The following MON2 variants were observed in gnomAD, a reference collection of about 807,000 sequenced individuals.
The protein encoded by MON2 is protein MON2 homolog.
Under a neutral mutation model 208.6 loss-of-function variants are expected in MON2, and 84 were observed. The ratio of observed to expected loss-of-function variants is 0.40; its 90% CI spans 0.34 to 0.48. The LOEUF (loss-of-function observed/expected upper bound fraction) is 0.48, where lower values mean the gene tolerates loss of function less well. MON2 is among the 20% of genes least tolerant of loss of function. The pLI, the probability that MON2 is intolerant of heterozygous loss-of-function variation, is 0.59. For synonymous variants in MON2, 660 were observed against 694.0 expected, an observed-to-expected ratio of 0.95 and a Z score of 0.77; for missense variants, 1,611 against 2,015.4, an observed-to-expected ratio of 0.80 and a Z score of 3.84.
intron 15 of MON2, 34 bp from the exon 16 acceptor site, chr12:62,537,568 C>A (rs751105650): frequency 1.4e-6 from 2 of 1,452,744 alleles, no homozygotes; most frequent in Non-Finnish European, 9.5e-7. Context: ...GAATACATAA[C>A]AATTATTGAA....
At position 62,592,713 on chromosome 12, in the gene MON2, G is replaced by A; in HGVS notation, c.5118G>A (p.Gln1706=). Residue 1706 remains glutamine, a synonymous_variant, in exon 35 of 35, where the codon CAG becomes CAA. Transcript: ENST00000393630. The part of the protein sequence containing the change: ...EALVPFKDFM[Q]PPASRVQNGE... ...TAGTTCCTTTTAAGGATTTCATGCA[G>A]CCACCAGCATCCAGAGTTCAAAATG... 8.1e-6 allele frequency: 13 copies of A among 1,602,708 alleles called. No individual in the cohort carries two copies. The highest frequency in any genetic ancestry group is 1.0e-5 in the Non-Finnish European group (12 of 1,171,582).
intron 7 of MON2, among the ~76,000 whole-genome samples, chr12:62,507,675 T>C (rs1320945798): frequency 1.3e-5 from 2 of 152,108 alleles, no homozygotes; most frequent in African/African-American, 2.4e-5. Context: ...AAAATTGAAG[T>C]TTCTGTTAAT....
intron 25 of MON2, among the ~76,000 whole-genome samples, chr12:62,556,483 C>G (rs903533184): frequency 6.6e-6 from 1 of 152,162 alleles, no homozygotes; most frequent in Non-Finnish European, 1.5e-5. Context: ...ACTTTGTGAG[C>G]TTCGGTAAGT....
chr12:62,571,619 G>A lies in MON2; in HGVS notation c.4514+37G>A, dbSNP rs754434033. Reference sequence around the variant, plus strand: ...CATTTTTAAAATTAAGACAAGAAGTGGCACATTATATCTTCAGTTGCTCTA... The same window carrying A: ...CATTTTTAAAATTAAGACAAGAAGTAGCACATTATATCTTCAGTTGCTCTA... On this transcript the variant is annotated intron_variant, in intron 30 of 34. Transcript: ENST00000393630. 2.0e-6 allele frequency: 3 copies of A among 1,496,436 alleles called. No homozygotes were observed. In the South Asian group the frequency reaches 3.7e-5, roughly 18 times the overall value. The allele number at this position is 1,496,436 out of a possible 1,614,324, so 92.7% of individuals were successfully genotyped here.
chr12:62,534,517 GCAAAAAAAA>G (rs1227996346), intron 12 of MON2, among the ~76,000 whole-genome samples: 1 of 88,240 alleles, frequency 1.1e-5, no homozygotes. Context: ...AGACTCCATC[GCAAAAAAAA>G]AAAAAAAAAA....
At position 62,591,466 on chromosome 12, in the gene MON2, G is replaced by GA. The variant is rs1299013106; in HGVS notation, c.4991-1112dup. 1.4e-4 allele frequency among the ~76,000 whole-genome samples: 21 copies of GA among 151,826 alleles called. 1 individual carries two copies. In the South Asian group the frequency reaches 3.5e-3, roughly 26 times the overall value. The stretch of plus-strand genomic sequence containing the variant: ...GTTTGATGTCAGTAGGTATTGGATG[G>GA]AAAAAAAATCCATAATTAAGGGAAC... On this transcript the variant is annotated intron_variant, in intron 34 of 34. Coordinates refer to ENST00000393630, the MANE Select transcript of MON2 (RefSeq NM_015026.3).
intron 4 of MON2, among the ~76,000 whole-genome samples, chr12:62,495,921 G>A (rs1270277248): frequency 2.6e-5 from 4 of 151,676 alleles, no homozygotes. Context: ...GAACATGTAA[G>A]AGCCATTCTA....
chr12:62,548,255 C>T (rs555887036), intron 22 of MON2, among the ~76,000 whole-genome samples: 17 of 152,244 alleles, frequency 1.1e-4, no homozygotes, highest in Middle Eastern at 3.4e-3. Context: ...AGCTACTTAA[C>T]GGATTGACTG....
chr12:62,477,002 T>C (rs1234853573), intron 1 of MON2, among the ~76,000 whole-genome samples: 1 of 151,960 alleles, frequency 6.6e-6, no homozygotes, highest in Non-Finnish European at 1.5e-5. Context: ...ACTAAAAAAT[T>C]AGCTGGACGT....
chr12:62,573,450 A>G (rs1445120610), intron 30 of MON2, among the ~76,000 whole-genome samples: 2 of 151,160 alleles, frequency 1.3e-5, no homozygotes, highest in African/African-American at 2.4e-5. Context: ...TTCCCTAGCA[A>G]GGTGTGGTGA....
At chr12:62,570,684 A>AT (rs1183977048) in intron 29 of MON2, among the ~76,000 whole-genome samples, 1 of 55,084 alleles carries the variant, frequency 1.8e-5, no homozygotes, top group Non-Finnish European at 4.0e-5. Context: ...CAGCCAAATT[A>AT]TTTTTTGCTG....
At chr12:62,519,847 G>GC (rs1173115912) in intron 8 of MON2, among the ~76,000 whole-genome samples, 5 of 152,168 alleles carry the variant, frequency 3.3e-5, no homozygotes, top group Non-Finnish European at 7.4e-5. Context: ...ACGGAGTCTC[G>GC]CTCTGTCACC....
At chr12:62,544,810 C>T (rs1294035187) in intron 20 of MON2, 88 bp from the exon 21 acceptor site, 2 of 1,552,374 alleles carry the variant, frequency 1.3e-6, no homozygotes, top group Non-Finnish European at 1.7e-6. Context: ...TCTTCCAACC[C>T]TTATTGAACA....
intron 8 of MON2, among the ~76,000 whole-genome samples, chr12:62,514,055 G>A (rs986610242): frequency 4.0e-5 from 5 of 124,140 alleles, no homozygotes; most frequent in African/African-American, 1.3e-4. Context: ...GGGGCAAAAC[G>A]CTGCCAGTCC....
chr12:62,585,150 A>G, intron 32 of MON2, 144 bp from the exon 33 acceptor site: 2 of 586,416 alleles, frequency 3.4e-6, no homozygotes, highest in South Asian at 2.1e-5. Flanking sequence ...TTTTCACTAT[A>G]TGTATGCTAT....
intron 22 of MON2, among the ~76,000 whole-genome samples, chr12:62,548,164 A>G (rs191013057): frequency 6.6e-6 from 1 of 152,228 alleles, no homozygotes; most frequent in African/African-American, 2.4e-5. Context: ...TTTTATAGAT[A>G]TCACTGTGAC....
intron 8 of MON2, among the ~76,000 whole-genome samples, chr12:62,514,881 A>C (rs140406293): frequency 6.6e-6 from 1 of 152,388 alleles, no homozygotes; most frequent in African/African-American, 2.4e-5. Flanking sequence ...ATATGAAAAG[A>C]TGCTCAACAT....
intron 1 of MON2, among the ~76,000 whole-genome samples, chr12:62,472,297 C>G (rs556810505): frequency 6.6e-6 from 1 of 152,212 alleles, no homozygotes; most frequent in Admixed American, 6.5e-5. Context: ...TATTGCATTT[C>G]AGATTGCCCA....
At position 62,553,078 on chromosome 12, in the gene MON2, T is replaced by C; in HGVS notation, c.3114T>C (p.Pro1038=). 1 of 1,614,178 alleles carries C rather than the reference T, an allele frequency of 6.2e-7. No individual in the cohort carries two copies. Among genetic ancestry groups the C allele is most frequent in the Non-Finnish European group, 8.5e-7 (1 of 1,180,026 alleles). Residue 1038 remains proline, a synonymous_variant, in exon 24 of 35, where the codon CCT becomes CCC. Transcript: ENST00000393630. Reference sequence around the variant, plus strand: ...GTGAACTATGTGTGGATCCCCGTCCTGCTGTCAGGAAGAGTGCAGGGCAAA... The same window carrying C: ...GTGAACTATGTGTGGATCCCCGTCCCGCTGTCAGGAAGAGTGCAGGGCAAA... ...KLGELCVDPR[P]AVRKSAGQTL...
Sources: allele counts gnomAD v4.1 joint callset (sites outside exome capture counted in the v4.1 genomes callset), GRCh38; gene constraint gnomAD v4.1.1; transcripts MANE v1.5; gene names NCBI Gene and HGNC (gene_info 2026-07-23, HGNC 2026-07-21).